ADAMTS18: variants seen among roughly 807,000 people sequenced by gnomAD.
ADAMTS18 encodes the protein A disintegrin and metalloproteinase with thrombospondin motifs 18.
ADAMTS18 carries 157 observed loss-of-function variants against 165.9 expected under a neutral mutation model. The observed-to-expected ratio is 0.95, with a 90% CI of 0.83 to 1.08. The LOEUF (loss-of-function observed/expected upper bound fraction) is 1.08. Ranked by LOEUF, ADAMTS18 falls within the 50% of genes least tolerant of loss-of-function variation. The probability of loss-of-function intolerance (pLI) is 0.00; values close to 1 mark genes in which losing one functional copy is unlikely to be tolerated. For synonymous variants in ADAMTS18, 782 were observed against 578.2 expected (o/e 1.35, Z -5.06); for missense variants, 2,040 against 1,534.0 (o/e 1.33, Z -5.51).
chr16:77,420,582 T>A (rs12925727), intron 3 of ADAMTS18, among the ~76,000 whole-genome samples: 90,180 of 152,072 alleles, frequency 0.59, 27,801 homozygotes, highest in Middle Eastern at 0.73. Context: ...AACAGACATT[T>A]GTTGTTTCAC....
chr16:77,298,449 G>T (rs895386097), intron 17 of ADAMTS18, among the ~76,000 whole-genome samples: 1 of 152,118 alleles, frequency 6.6e-6, no homozygotes, highest in Admixed American at 6.5e-5. Flanking sequence ...TTAGCAGTTA[G>T]TCCAGCTCCT....
rs190221497 is a variant in ADAMTS18, at chr16:77,381,361, G to C, written c.496-13638C>G. ...GGTATGACTCTTTAACAACAAACCAGTTTTGGGCTGGCATAATGGCAGAAG... is the reference window on the plus strand; with the variant it reads ...GGTATGACTCTTTAACAACAAACCACTTTTGGGCTGGCATAATGGCAGAAG... On this transcript the variant is annotated intron_variant, in intron 3 of 22. Transcript: ENST00000282849. Among the ~76,000 whole-genome samples, 5 of 152,264 alleles carry C rather than the reference G, an allele frequency of 3.3e-5. No homozygotes were observed. The South Asian group carries it at 6.2e-4, about 19-fold the overall frequency.
intron 3 of ADAMTS18, among the ~76,000 whole-genome samples, chr16:77,409,201 A>G (rs1456364279): frequency 1.3e-5 from 2 of 152,118 alleles, no homozygotes; most frequent in Non-Finnish European, 2.9e-5. Flanking sequence ...TTCTAAACAT[A>G]TATGCTATTT....
At chr16:77,413,054 A>G (rs921403316) in intron 3 of ADAMTS18, among the ~76,000 whole-genome samples, 1 of 152,128 alleles carries the variant, frequency 6.6e-6, no homozygotes, top group Non-Finnish European at 1.5e-5. Flanking sequence ...TGTATAAAAA[A>G]AAACTTGTTG....
intron 3 of ADAMTS18, among the ~76,000 whole-genome samples, chr16:77,394,841 G>A (rs1480651370): frequency 1.3e-5 from 2 of 152,178 alleles, no homozygotes; most frequent in Admixed American, 6.5e-5. Flanking sequence ...TAGCATCCGT[G>A]TTTTTACAAG....
chr16:77,303,306 C>T (rs148267185), intron 16 of ADAMTS18, among the ~76,000 whole-genome samples: 80 of 152,312 alleles, frequency 5.3e-4, no homozygotes, highest in African/African-American at 1.9e-3. Flanking sequence ...CTACGGATGA[C>T]ACCCCGCCTC....
intron 8 of ADAMTS18, among the ~76,000 whole-genome samples, chr16:77,358,337 A>G (rs1269929487): frequency 6.6e-6 from 1 of 152,176 alleles, no homozygotes; most frequent in East Asian, 1.9e-4. Flanking sequence ...GCACTTTGGG[A>G]AACCGAGGTC....
Position 77,300,297 on chromosome 16 carries a change from G to C in ADAMTS18, c.2640C>G (p.Ile880Met), listed in dbSNP as rs148705153. Residue 880 changes from isoleucine (I) to methionine (M), a missense_variant, in exon 17 of 23, where the codon ATC becomes ATG. By Grantham distance (10) the Ile-to-Met change is conservative. Transcript: ENST00000282849. ...ATKRPAYTWSIVQSECSVSCG... is the reference protein window; with the variant it reads ...ATKRPAYTWSMVQSECSVSCG... The stretch of plus-strand genomic sequence containing the variant: ...AGGAGACGGAGCACTCTGACTGCAC[G>C]ATACTCCAGGTATAGGCAGGTCTTT... The C allele has an allele frequency of 9.3e-6, 15 of 1,613,984 alleles. No individual in the cohort carries two copies. The African/African-American group carries it at 1.6e-4, about 17-fold the overall frequency.
At chr16:77,328,047 A>G (rs909752102) in intron 12 of ADAMTS18, among the ~76,000 whole-genome samples, 1 of 152,018 alleles carries the variant, frequency 6.6e-6, no homozygotes, top group Non-Finnish European at 1.5e-5. Flanking sequence ...CAGGTGGCCT[A>G]CTCCTTTCCT....
At chr16:77,302,004 CT>C (rs4038557) in intron 16 of ADAMTS18, among the ~76,000 whole-genome samples, 17,140 of 128,524 alleles carry the variant, frequency 0.13, 1,097 homozygotes, top group Admixed American at 0.21. Flanking sequence ...CTAGTCTTTG[CT>C]TTTTTTTTTT....
At chr16:77,421,218 G>A (rs1182228971) in intron 3 of ADAMTS18, among the ~76,000 whole-genome samples, 1 of 152,144 alleles carries the variant, frequency 6.6e-6, no homozygotes, top group Non-Finnish European at 1.5e-5. Context: ...TACATCAAAA[G>A]CATCCCTTCA....
Position 77,345,218 on chromosome 16 carries a change from A to G in ADAMTS18, c.1615-3419T>C, listed in dbSNP as rs182185928. Among the ~76,000 whole-genome samples the G allele has an allele frequency of 3.4e-3, 524 of 152,300 alleles. 2 individuals are homozygous for G. The highest frequency in any genetic ancestry group is 5.9e-3 in the Non-Finnish European group (398 of 68,022). Reference sequence around the variant, plus strand: ...GCTGAAAATGTTAATGGCTTTTGCAAACCAAATTTTATGAAGCATTACAAA... The same window carrying G: ...GCTGAAAATGTTAATGGCTTTTGCAGACCAAATTTTATGAAGCATTACAAA... On this transcript the variant is annotated intron_variant, in intron 10 of 22. Transcript: ENST00000282849.
chr16:77,349,767 T>C (rs1192185639), intron 10 of ADAMTS18, among the ~76,000 whole-genome samples: 1 of 152,216 alleles, frequency 6.6e-6, no homozygotes, highest in African/African-American at 2.4e-5. Context: ...GTCATTTTTC[T>C]TGATTGACAG....
intron 3 of ADAMTS18, among the ~76,000 whole-genome samples, chr16:77,430,589 T>A (rs912480012): frequency 6.6e-6 from 1 of 152,330 alleles, no homozygotes; most frequent in South Asian, 2.1e-4. Context: ...CAGAATGAAA[T>A]CAACCCAGAA....
Position 77,431,415 on chromosome 16 carries a change from C to G in ADAMTS18, c.375G>C (p.Gln125His). 1 of 1,614,172 alleles carries G rather than the reference C, an allele frequency of 6.2e-7. No homozygotes were observed. The highest frequency in any genetic ancestry group is 8.5e-7 in the Non-Finnish European group (1 of 1,180,048). ...SAILSSHFIVQVLGKDGASET... is the reference protein window; with the variant it reads ...SAILSSHFIVHVLGKDGASET... ...CTGAAGCACCATCTTTTCCAAGTAC[C>G]TGGACAATAAAGTGACTGCTCAAAA... The change falls in exon 3 of 23, where the codon CAG (glutamine) becomes CAC (histidine). Residue 125 changes from glutamine (Q) to histidine (H), a missense_variant. Coordinates refer to ENST00000282849, the MANE Select transcript of ADAMTS18 (RefSeq NM_199355.4).
Position 77,322,482 on chromosome 16 carries a change from T to G in ADAMTS18, c.2033-16A>C, listed in dbSNP as rs1345838110. 2 of 1,613,154 alleles carry G rather than the reference T, an allele frequency of 1.2e-6. No homozygotes were observed. The highest frequency in any genetic ancestry group is 2.2e-5 in the East Asian group (1 of 44,846). Reference sequence around the variant, plus strand: ...CGATCTTCCTCTAGAAACAAAGAGATCAAGATAGGAAATGGTCAAGAGGAA... The same window carrying G: ...CGATCTTCCTCTAGAAACAAAGAGAGCAAGATAGGAAATGGTCAAGAGGAA... On this transcript the variant is annotated splice_polypyrimidine_tract_variant and intron_variant, in intron 13 of 22. Transcript: ENST00000282849.
intron 11 of ADAMTS18, among the ~76,000 whole-genome samples, chr16:77,336,914 G>T (rs1490405576): frequency 6.6e-6 from 1 of 152,178 alleles, no homozygotes; most frequent in Non-Finnish European, 1.5e-5. Context: ...GTTGGGGTTT[G>T]GACCATGCCA....
intron 3 of ADAMTS18, among the ~76,000 whole-genome samples, chr16:77,398,913 C>T (rs571343679): frequency 7.6e-4 from 115 of 152,104 alleles, no homozygotes; most frequent in Middle Eastern, 3.4e-3. Flanking sequence ...TGAGAAAAAC[C>T]GTCATAGGGT....
At chr16:77,383,732 G>A (rs2057066410) in intron 3 of ADAMTS18, among the ~76,000 whole-genome samples, 1 of 152,038 alleles carries the variant, frequency 6.6e-6, no homozygotes, top group African/African-American at 2.4e-5. Flanking sequence ...TAGTAGAGAT[G>A]GGGTTTCACC....
Sources: allele counts gnomAD v4.1 joint callset (sites outside exome capture counted in the v4.1 genomes callset), GRCh38; gene constraint gnomAD v4.1.1; transcripts MANE v1.5; gene names NCBI Gene and HGNC (gene_info 2026-07-23, HGNC 2026-07-21).